The following TENM2 variants were observed in gnomAD, a reference collection of about 807,000 sequenced individuals.
TENM2 encodes the protein teneurin-2.
Under a neutral mutation model 245.2 loss-of-function variants are expected in TENM2, and 52 were observed. The ratio of observed to expected loss-of-function variants is 0.21; its 90% CI spans 0.17 to 0.27. The LOEUF (loss-of-function observed/expected upper bound fraction) is 0.27, where lower values mean the gene tolerates loss of function less well. Among genes scored for constraint, TENM2 ranks in the 10% least tolerant of loss-of-function variants. The probability of loss-of-function intolerance (pLI) is 1.00; values close to 1 mark genes in which losing one functional copy is unlikely to be tolerated. For synonymous variants in TENM2, 1,363 were observed against 1,438.9 expected, an observed-to-expected ratio of 0.95 and a Z score of 1.19; for missense variants, 3,046 against 3,666.8, an observed-to-expected ratio of 0.83 and a Z score of 4.37.
intron 2 of TENM2, among the ~76,000 whole-genome samples, chr5:167,506,216 C>T (rs2127562740): frequency 6.6e-6 from 1 of 152,268 alleles, no homozygotes. Flanking sequence ...TAGTATTTTA[C>T]ATGGATGTTC....
chr5:167,064,621 A>C, the TENM2 span, among the ~76,000 whole-genome samples: 1 of 152,172 alleles, frequency 6.6e-6, no homozygotes, highest in African/African-American at 2.4e-5. Flanking sequence ...TCATTCCTCA[A>C]ATTCCCCAGA....
intron 4 of TENM2, among the ~76,000 whole-genome samples, chr5:167,960,990 C>T (rs545779921): frequency 2.6e-5 from 4 of 152,282 alleles, no homozygotes; most frequent in South Asian, 4.1e-4. Context: ...GGTGAGGCGA[C>T]GCCCCGCCCT....
intron 3 of TENM2, among the ~76,000 whole-genome samples, chr5:167,936,707 C>T (rs1273295060): frequency 6.6e-6 from 1 of 152,138 alleles, no homozygotes; most frequent in African/African-American, 2.4e-5. Context: ...TAGATTTTAA[C>T]ACAAATACAG....
At chr5:167,681,277 T>C (rs1250575138) in intron 2 of TENM2, among the ~76,000 whole-genome samples, 1 of 152,204 alleles carries the variant, frequency 6.6e-6, no homozygotes, top group African/African-American at 2.4e-5. Context: ...AAAGGAATTA[T>C]ACACTACATA....
intron 24 of TENM2, among the ~76,000 whole-genome samples, chr5:168,227,169 G>GTCTC (rs1764274000): frequency 6.6e-6 from 1 of 152,216 alleles, no homozygotes; most frequent in South Asian, 2.1e-4. Context: ...TGTAAAAGGA[G>GTCTC]TCTCTGACTC....
the TENM2 span, among the ~76,000 whole-genome samples, chr5:167,184,272 T>G: frequency 2.0e-5 from 3 of 152,222 alleles, no homozygotes; most frequent in East Asian, 3.9e-4. Context: ...GGCCATTTCC[T>G]TTCAGCCTTT....
intron 2 of TENM2, among the ~76,000 whole-genome samples, chr5:167,435,750 C>T (rs1764514965): frequency 6.6e-6 from 1 of 152,014 alleles, no homozygotes; most frequent in Middle Eastern, 3.2e-3. Context: ...TGTTGAATGG[C>T]TTTGACCAAA....
chr5:168,131,542 C>A (rs1479259253), intron 12 of TENM2, among the ~76,000 whole-genome samples: 1 of 152,218 alleles, frequency 6.6e-6, no homozygotes, highest in East Asian at 1.9e-4. Context: ...GTAAAACCAG[C>A]CGTGCGATGA....
intron 7 of TENM2, among the ~76,000 whole-genome samples, chr5:168,084,823 G>A (rs1433597371): frequency 6.6e-6 from 1 of 152,046 alleles, no homozygotes; most frequent in Admixed American, 6.5e-5. Context: ...TTTTTTCTCT[G>A]CCCCAGTGTG....
At chr5:167,973,585 G>A (rs758078655) in intron 4 of TENM2, among the ~76,000 whole-genome samples, 1 of 152,208 alleles carries the variant, frequency 6.6e-6, no homozygotes, top group African/African-American at 2.4e-5. Context: ...AGCATGGAGC[G>A]TGGAGTGCAT....
chr5:167,922,477 C>A (rs1456656541), intron 3 of TENM2, among the ~76,000 whole-genome samples: 1 of 152,228 alleles, frequency 6.6e-6, no homozygotes, highest in Non-Finnish European at 1.5e-5. Context: ...ATAAAACACA[C>A]ATCCTGCCCT....
chr5:167,351,097 T>TATATATATGGGATATATACATATGG (rs1561884358), intron 1 of TENM2, among the ~76,000 whole-genome samples: 1 of 113,950 alleles, frequency 8.8e-6, no homozygotes, highest in South Asian at 3.1e-4. Context: ...TACATATGGA[T>TATATATATGGGATATATACATATGG]ATATATATAT....
At chr5:168,012,911 C>T (rs1228073254) in intron 5 of TENM2, among the ~76,000 whole-genome samples, 1 of 152,048 alleles carries the variant, frequency 6.6e-6, no homozygotes, top group East Asian at 1.9e-4. Context: ...AGGACACTGG[C>T]TCTTCCCATC....
At chr5:167,937,041 G>A (rs970376775) in intron 3 of TENM2, among the ~76,000 whole-genome samples, 1 of 152,064 alleles carries the variant, frequency 6.6e-6, no homozygotes, top group Non-Finnish European at 1.5e-5. Context: ...TATACACCAC[G>A]ATGTTTTGAT....
chr5:167,082,695 C>A, the TENM2 span, among the ~76,000 whole-genome samples: 950 of 152,186 alleles, frequency 6.2e-3, 5 homozygotes, highest in Admixed American at 0.011. Context: ...CTTGCTAATA[C>A]CTCTATTTTA....
At chr5:167,553,798 G>T (rs1773102031) in intron 2 of TENM2, among the ~76,000 whole-genome samples, 1 of 152,168 alleles carries the variant, frequency 6.6e-6, no homozygotes, top group Non-Finnish European at 1.5e-5. Flanking sequence ...GGTTGACATT[G>T]ATGGATGGAG....
At chr5:167,446,170 T>A (rs1765193654) in intron 2 of TENM2, among the ~76,000 whole-genome samples, 1 of 152,224 alleles carries the variant, frequency 6.6e-6, no homozygotes, top group South Asian at 2.1e-4. Context: ...AAAATATTTA[T>A]ACACAGTTTG....
At chr5:167,545,533 A>G (rs537056812) in intron 2 of TENM2, among the ~76,000 whole-genome samples, 21 of 152,222 alleles carry the variant, frequency 1.4e-4, no homozygotes, top group Admixed American at 1.4e-3. Flanking sequence ...CAAATAAAAT[A>G]ATCGTGGTTA....
intron 5 of TENM2, among the ~76,000 whole-genome samples, chr5:168,030,816 T>C (rs890477322): frequency 6.6e-6 from 1 of 152,162 alleles, no homozygotes; most frequent in Non-Finnish European, 1.5e-5. Context: ...ACTATTGCCA[T>C]CTAATGTGTT....
Sources: allele counts gnomAD v4.1 joint callset (sites outside exome capture counted in the v4.1 genomes callset), GRCh38; gene constraint gnomAD v4.1.1; transcripts MANE v1.5; gene names NCBI Gene and HGNC (gene_info 2026-07-23, HGNC 2026-07-21).